The following UGT2A2 variants were observed in gnomAD, a reference collection of about 807,000 sequenced individuals.
UGT2A2 encodes UDP glucuronosyltransferase family 2 member A2.
In UGT2A2, 60 loss-of-function variants were observed where a neutral mutation model predicts 50.7. That is an observed-to-expected ratio of 1.18 (90% CI 0.96 to 1.47). The LOEUF is 1.47. UGT2A2 is among the 40% of genes most tolerant of loss of function. UGT2A2 has a pLI of 0.00. For synonymous variants in UGT2A2, 242 were observed against 214.6 expected (o/e 1.13, Z -1.11); for missense variants, 762 against 634.0 (o/e 1.20, Z -2.17).
chr4:69,639,229 C>T lies in UGT2A2; in HGVS notation c.412G>A (p.Val138Ile). Reference protein sequence around the residue: ...FQINIQLCDGVLKNPKLMARL... With the variant: ...FQINIQLCDGILKNPKLMARL... ...GCCATCAACTTTGGGTTCTTTAGTACACCATCACAGAGTTGTATGTTAATT... is the reference window on the plus strand; with the variant it reads ...GCCATCAACTTTGGGTTCTTTAGTATACCATCACAGAGTTGTATGTTAATT... The change falls in exon 1 of 6, where the codon GTA (valine) becomes ATA (isoleucine). Residue 138 changes from valine to isoleucine, a missense_variant. Coordinates refer to ENST00000604629, the MANE Select transcript of UGT2A2 (RefSeq NM_001105677.2). The T allele has an allele frequency of 6.2e-7, 1 of 1,613,674 alleles. No individual in the cohort carries two copies. Among genetic ancestry groups the T allele is most frequent in the African/African-American group, 1.3e-5 (1 of 75,020 alleles).
intron 1 of UGT2A2, among the ~76,000 whole-genome samples, chr4:69,604,174 C>T (rs1357919175): frequency 1.5e-5 from 2 of 136,030 alleles, no homozygotes; most frequent in South Asian, 2.4e-4. Flanking sequence ...AGAGAAAGGT[C>T]GGGTTACCCA....
intron 2 of UGT2A2, among the ~76,000 whole-genome samples, chr4:69,598,202 T>A (rs913991430): frequency 1.3e-5 from 2 of 152,120 alleles, no homozygotes; most frequent in African/African-American, 4.8e-5. Flanking sequence ...ATTTTTAGAA[T>A]CCTGAAATAA....
At chr4:69,636,896 T>C (rs568078724) in intron 1 of UGT2A2, among the ~76,000 whole-genome samples, 6 of 152,296 alleles carry the variant, frequency 3.9e-5, no homozygotes, top group Non-Finnish European at 7.4e-5. Flanking sequence ...CAGTTACTTG[T>C]CTGAGATCCC....
In UGT2A2 at chr4:69,590,473, G is replaced by A. The variant is rs1017973039; in HGVS notation, c.1332-822C>T. 8.5e-5 allele frequency among the ~76,000 whole-genome samples: 13 copies of A among 152,100 alleles called. No homozygotes were observed. The East Asian group carries it at 2.1e-3, about 25-fold the overall frequency. On this transcript the variant is annotated intron_variant, in intron 5 of 5. Transcript: ENST00000604629. ...ATTTTGGTTTGTGTCTGGAAGAAAA[G>A]TTCCAGCCTGGATTCATGAAGATGA...
At chr4:69,594,333 T>C in intron 5 of UGT2A2, 144 bp downstream of exon 5, 3 of 1,142,540 alleles carry the variant, frequency 2.6e-6, no homozygotes, top group Admixed American at 3.0e-5. Context: ...CTTTAGCAGT[T>C]TGGCAAATAA....
At chr4:69,623,854 CTT>C (rs1383376349) in intron 1 of UGT2A2, among the ~76,000 whole-genome samples, 4 of 151,400 alleles carry the variant, frequency 2.6e-5, no homozygotes, top group Admixed American at 1.3e-4. Flanking sequence ...AAAATAAAGA[CTT>C]GAGCAAAAGC....
chr4:69,594,024 G>C (rs1262761477), intron 5 of UGT2A2, among the ~76,000 whole-genome samples: 2 of 141,694 alleles, frequency 1.4e-5, no homozygotes, highest in South Asian at 4.5e-4. Flanking sequence ...GCCCAGGCTG[G>C]AGTGCAGTGG....
At chr4:69,594,724 G>A (rs1229396148) in intron 4 of UGT2A2, 28 bp from the exon 5 acceptor site, 2 of 1,598,470 alleles carry the variant, frequency 1.3e-6, no homozygotes, top group Non-Finnish European at 1.7e-6. Context: ...TGAGAAGTGG[G>A]TGTGTAATAA....
At position 69,639,383 on chromosome 4, in the gene UGT2A2, G is replaced by A. The variant is rs1721921357; in HGVS notation, c.258C>T (p.Ser86=). Reference sequence around the variant, plus strand: ...AGGAATCTATATTGCTCTTCTTGTAGGAAACAGGTATCACTTCAAAATTCA... The same window carrying A: ...AGGAATCTATATTGCTCTTCTTGTAAGAAACAGGTATCACTTCAAAATTCA... ...SPVNFEVIPV[S]YKKSNIDSLI... Residue 86 remains serine (S), a synonymous_variant, in exon 1 of 6, where the codon TCC becomes TCT. Coordinates refer to ENST00000604629, the MANE Select transcript of UGT2A2 (RefSeq NM_001105677.2). The A allele has an allele frequency of 6.2e-7, 1 of 1,613,544 alleles. No homozygotes were observed. The highest frequency in any genetic ancestry group is 1.1e-5 in the South Asian group (1 of 91,010).
chr4:69,603,854 A>G (rs905516937), intron 1 of UGT2A2, among the ~76,000 whole-genome samples: 2 of 136,464 alleles, frequency 1.5e-5, no homozygotes, highest in Non-Finnish European at 3.1e-5. Flanking sequence ...AAGCGAGAAG[A>G]GAAGTTTAGA....
Position 69,603,298 on chromosome 4 carries a change from GA to G in UGT2A2, c.743-3905del, listed in dbSNP as rs1322744555. Among the ~76,000 whole-genome samples the G allele has an allele frequency of 1.5e-5, 2 of 134,598 alleles. 1 individual carries two copies. The highest frequency in any genetic ancestry group is 4.2e-4 in the East Asian group (2 of 4,764). The allele number at this position is 134,598 out of a possible 152,430, so 88.3% of individuals were successfully genotyped here. On this transcript the variant is annotated intron_variant, in intron 1 of 5. Coordinates refer to ENST00000604629, the MANE Select transcript of UGT2A2 (RefSeq NM_001105677.2). ...TATAAAGGAAAGCAGTTAAGATAGT[GA>G]AAAAAAACAAAACCACTTATGTAAT...
At chr4:69,629,299 C>T (rs374217896) in intron 1 of UGT2A2, among the ~76,000 whole-genome samples, 4 of 152,004 alleles carry the variant, frequency 2.6e-5, no homozygotes, top group African/African-American at 4.8e-5. Context: ...AAAGTGTTTA[C>T]TTTGCAGGTC....
At chr4:69,603,368 T>C (rs543046559) in intron 1 of UGT2A2, among the ~76,000 whole-genome samples, 1 of 136,212 alleles carries the variant, frequency 7.3e-6, no homozygotes, top group Non-Finnish European at 1.6e-5. Flanking sequence ...GGAAAAAATG[T>C]TTTCAATAAA....
intron 1 of UGT2A2, among the ~76,000 whole-genome samples, chr4:69,634,461 C>T (rs1474866334): frequency 6.6e-6 from 1 of 151,722 alleles, no homozygotes; most frequent in Non-Finnish European, 1.5e-5. Context: ...ACACTGGGCC[C>T]AGAAAAGAAA....
At chr4:69,607,999 G>T (rs1719765579) in intron 1 of UGT2A2, among the ~76,000 whole-genome samples, 1 of 152,152 alleles carries the variant, frequency 6.6e-6, no homozygotes, top group Non-Finnish European at 1.5e-5. Flanking sequence ...AATCATTGTG[G>T]AAGTCAGTGT....
chr4:69,628,202 A>T (rs1482503506), intron 1 of UGT2A2, among the ~76,000 whole-genome samples: 3 of 152,082 alleles, frequency 2.0e-5, no homozygotes, highest in Middle Eastern at 6.8e-3. Flanking sequence ...AACAATCCAG[A>T]TTCAATGAAT....
At chr4:69,609,986 T>C (rs1033716177) in intron 1 of UGT2A2, among the ~76,000 whole-genome samples, 2 of 152,144 alleles carry the variant, frequency 1.3e-5, no homozygotes, top group Admixed American at 1.3e-4. Context: ...AATAATAGAA[T>C]GTTGAGGAAA....
chr4:69,599,724 G>A (rs376448222), intron 1 of UGT2A2: 19 of 181,822 alleles, frequency 1.0e-4, no homozygotes, highest in African/African-American at 3.6e-4. Flanking sequence ...AGAGAGAGAT[G>A]GAGAAAAGGA....
At chr4:69,612,538 TAGAC>T (rs1720126124) in intron 1 of UGT2A2, among the ~76,000 whole-genome samples, 2 of 89,478 alleles carry the variant, frequency 2.2e-5, no homozygotes, top group East Asian at 2.9e-4. Flanking sequence ...AAGAGACAGA[TAGAC>T]GAATGGAGCA....
Sources: allele counts gnomAD v4.1 joint callset (sites outside exome capture counted in the v4.1 genomes callset), GRCh38; gene constraint gnomAD v4.1.1; transcripts MANE v1.5; gene names NCBI Gene and HGNC (gene_info 2026-07-23, HGNC 2026-07-21).